Variants in NEK6 observed in about 807,000 individuals in gnomAD.
NEK6 encodes the protein NIMA related kinase 6, also known as serine/threonine-protein kinase Nek6.
In NEK6, 27 loss-of-function variants were observed where a neutral mutation model predicts 43.5. The ratio of observed to expected loss-of-function variants is 0.62; its 90% confidence interval spans 0.46 to 0.86. NEK6 has a LOEUF of 0.86. Ranked by LOEUF, NEK6 falls within the 40% of genes least tolerant of loss-of-function variation. The pLI is 0.00. For missense variants in NEK6, 318 were observed against 414.4 expected (o/e 0.77, Z 2.02); for synonymous variants, 167 against 164.1 (o/e 1.02, Z -0.14).
intron 7 of NEK6, 93 bp from the exon 8 acceptor site, chr9:124,339,478 C>G: frequency 1.2e-6 from 1 of 842,258 alleles, no homozygotes; most frequent in East Asian, 2.4e-5. Flanking sequence ...AATCTCTCCC[C>G]AGCTCCCGTG....
intron 1 of NEK6, among the ~76,000 whole-genome samples, chr9:124,260,428 C>CT (rs1830987022): frequency 6.6e-6 from 1 of 152,156 alleles, no homozygotes; most frequent in African/African-American, 2.4e-5. Context: ...GAGTCTCACT[C>CT]TGTTGCCCAG....
chr9:124,276,742 C>T (rs920488687), intron 1 of NEK6, among the ~76,000 whole-genome samples: 17 of 152,248 alleles, frequency 1.1e-4, no homozygotes, highest in Non-Finnish European at 2.1e-4. Context: ...GTGGCTCGTT[C>T]ATCAGAGCAC....
intron 7 of NEK6, among the ~76,000 whole-genome samples, chr9:124,338,827 T>C (rs1588537740): frequency 6.6e-6 from 1 of 152,174 alleles, no homozygotes; most frequent in African/African-American, 2.4e-5. Flanking sequence ...AGCTGACACA[T>C]GGAAGATCTT....
At chr9:124,300,830 C>T (rs921163171) in intron 1 of NEK6, among the ~76,000 whole-genome samples, 1 of 152,206 alleles carries the variant, frequency 6.6e-6, no homozygotes, top group South Asian at 2.1e-4. Context: ...ACTTCTGGCT[C>T]TCCAGGGGTA....
chr9:124,273,797 C>T (rs1831543275), intron 1 of NEK6, among the ~76,000 whole-genome samples: 2 of 152,170 alleles, frequency 1.3e-5, no homozygotes, highest in South Asian at 4.1e-4. Context: ...GTTTTCTTCC[C>T]ATTTACGGGT....
intron 1 of NEK6, among the ~76,000 whole-genome samples, chr9:124,277,554 CCT>C (rs1274348756): frequency 6.6e-6 from 1 of 152,220 alleles, no homozygotes; most frequent in Non-Finnish European, 1.5e-5. Context: ...GCACCCTCAG[CCT>C]CTCTCGGCTT....
rs527872624 is a variant in NEK6 at position 124,291,187 on chromosome 9, C to T, written c.-29-10749C>T. Among the ~76,000 whole-genome samples the T allele has an allele frequency of 2.6e-5, 4 of 152,320 alleles. No individual in the cohort carries two copies. In the East Asian group the frequency reaches 7.7e-4, roughly 29 times the overall value. ...ATACTACCCTTGTCCCTGTTTTACC[C>T]GTGAGAATGCAGGTGCACACAACTG... On this transcript the variant is annotated intron_variant, in intron 1 of 9. Transcript: ENST00000320246.
chr9:124,261,969 G>A (rs1321442794), intron 1 of NEK6, among the ~76,000 whole-genome samples: 1 of 131,060 alleles, frequency 7.6e-6, no homozygotes, highest in Non-Finnish European at 1.6e-5. Context: ...TTTTTTTTTT[G>A]CTGACATCAT....
intron 4 of NEK6, among the ~76,000 whole-genome samples, chr9:124,319,415 C>G (rs192346203): frequency 6.6e-6 from 1 of 152,040 alleles, no homozygotes. Flanking sequence ...TCTGTTTACT[C>G]TGTTGATCAT....
rs556031974 is a variant in NEK6 at position 124,267,138 on chromosome 9, C to T, written c.-30+9053C>T. Among the ~76,000 whole-genome samples the T allele has an allele frequency of 2.6e-5, 4 of 152,366 alleles. No homozygotes were observed. The East Asian group carries it at 7.7e-4, about 29-fold the overall frequency. The stretch of plus-strand genomic sequence containing the variant: ...TGAGGAAAGGCTAACCAAGCCACCT[C>T]TGAGCACAGACATGACTTTTTGGCA... On this transcript the variant is annotated intron_variant, in intron 1 of 9. Transcript: ENST00000320246.
At chr9:124,292,318 G>A in intron 1 of NEK6, 1 of 1,422,702 alleles carries the variant, frequency 7.0e-7, no homozygotes, top group Non-Finnish European at 9.3e-7. Flanking sequence ...TGGGACAGGG[G>A]TGGCTGCTGA....
intron 1 of NEK6, among the ~76,000 whole-genome samples, chr9:124,272,531 C>G (rs1439947417): frequency 6.6e-6 from 1 of 152,256 alleles, no homozygotes; most frequent in Non-Finnish European, 1.5e-5. Flanking sequence ...ATTTAACATG[C>G]TGCCTTTCGT....
chr9:124,293,677 T>C (rs1216497568), intron 1 of NEK6, among the ~76,000 whole-genome samples: 1 of 152,212 alleles, frequency 6.6e-6, no homozygotes, highest in Admixed American at 6.5e-5. Flanking sequence ...TTCTTGGGGT[T>C]GCAGGAGGGT....
chr9:124,333,774 T>TC (rs1491141384), intron 7 of NEK6, among the ~76,000 whole-genome samples: 1 of 103,730 alleles, frequency 9.6e-6, no homozygotes, highest in East Asian at 6.8e-4. Context: ...ATTTCAGTCC[T>TC]TTTTTTTTTT....
chr9:124,292,774 C>A, intron 1 of NEK6: 2 of 1,308,166 alleles, frequency 1.5e-6, no homozygotes, highest in Non-Finnish European at 2.0e-6. Flanking sequence ...GTTACCCAGC[C>A]TCTCCTCTGC....
Position 124,275,935 on chromosome 9 carries a change from T to A in NEK6, c.-30+17850T>A, listed in dbSNP as rs946819812. Reference sequence around the variant, plus strand: ...CCAGCTCTGTGACTCACATACCCATTGTGCCTGCTGCGGTGATCCTTTAAA... The same window carrying A: ...CCAGCTCTGTGACTCACATACCCATAGTGCCTGCTGCGGTGATCCTTTAAA... On this transcript the variant is annotated intron_variant, in intron 1 of 9. Coordinates refer to ENST00000320246, the MANE Select transcript of NEK6 (RefSeq NM_014397.6). The surrounding 1 kb of genome is among the most constrained non-coding windows in gnomAD (Gnocchi z 4.4). 6.6e-6 allele frequency among the ~76,000 whole-genome samples: 1 copy of A among 152,202 alleles called. No individual in the cohort carries two copies. Among genetic ancestry groups the A allele is most frequent in the Non-Finnish European group, 1.5e-5 (1 of 68,034 alleles).
chr9:124,306,049 G>A (rs1833239820), intron 2 of NEK6, among the ~76,000 whole-genome samples: 2 of 152,158 alleles, frequency 1.3e-5, no homozygotes, highest in African/African-American at 4.8e-5. Flanking sequence ...CAAGGCTCAG[G>A]GAAGGTGAAA....
At chr9:124,327,279 C>A in intron 6 of NEK6, 59 bp from the exon 7 acceptor site, 2 of 1,413,034 alleles carry the variant, frequency 1.4e-6, no homozygotes, top group Non-Finnish European at 2.0e-6. Context: ...TCCTCTCGTC[C>A]TGCCCCACCT....
intron 1 of NEK6, among the ~76,000 whole-genome samples, chr9:124,284,376 A>G (rs1038025447): frequency 6.6e-6 from 1 of 152,222 alleles, no homozygotes; most frequent in Non-Finnish European, 1.5e-5. Flanking sequence ...AAAATACTGG[A>G]TGTGGACTGA....
Sources: gnomAD v4.1 joint callset for allele counts (sites outside exome capture counted in the v4.1 genomes callset) on GRCh38, gnomAD v4.1.1 for gene constraint, Gnocchi (gnomAD v3.1) non-coding constraint, MANE v1.5 for transcripts, NCBI Gene and HGNC (gene_info 2026-07-23, HGNC 2026-07-21) for gene names.